PARD3B: variants seen among roughly 807,000 people sequenced by gnomAD.
PARD3B encodes partitioning defective 3 homolog B.
In PARD3B, 103 loss-of-function variants were observed where a neutral mutation model predicts 130.2. The observed-to-expected ratio is 0.79, with a 90% confidence interval of 0.67 to 0.93. The LOEUF is 0.93. PARD3B is among the 40% of genes least tolerant of loss of function. PARD3B has a pLI of 0.00. For missense variants in PARD3B, 1,609 were observed against 1,499.2 expected, an observed-to-expected ratio of 1.07 and a Z score of -1.21; for synonymous variants, 583 against 553.2, an observed-to-expected ratio of 1.05 and a Z score of -0.76.
rs770216160 is a variant in PARD3B at position 205,241,891 on chromosome 2, C to T, written c.2141-3887C>T. Among the ~76,000 whole-genome samples the T allele has an allele frequency of 5.9e-5, 9 of 151,976 alleles. No homozygotes were observed. The highest frequency in any genetic ancestry group is 9.7e-5 in the African/African-American group (4 of 41,396). On this transcript the variant is annotated intron_variant, in intron 15 of 22. Coordinates refer to ENST00000406610, the MANE Select transcript of PARD3B (RefSeq NM_001302769.2). The surrounding 1 kb of genome is among the most constrained non-coding windows in gnomAD (Gnocchi z 4.2). ...CCCCAAGAGATAATTTTAATAGTAG[C>T]TCTAAGTTAATGTGAGTTATAAAGG... is the stretch of plus-strand genomic sequence containing the variant.
chr2:204,909,475 A>G lies in PARD3B; in HGVS notation c.223-55677A>G, dbSNP rs189621145. On this transcript the variant is annotated intron_variant, in intron 2 of 22. Transcript: ENST00000406610. ...TGTGCATTAATTTTGGAAGATGGCC[A>G]TCATAAATATAGATAAATATAAAGT... is the stretch of plus-strand genomic sequence containing the variant. Among the ~76,000 whole-genome samples the G allele has an allele frequency of 3.3e-5, 5 of 152,322 alleles. No individual in the cohort carries two copies. In the East Asian group the frequency reaches 7.7e-4, roughly 23 times the overall value.
chr2:205,449,770 A>G lies in PARD3B; in HGVS notation c.3044+9098A>G, dbSNP rs958175572. ...TTTGTTTTCCAGCATGTATCCACTA[A>G]TTTTGCAGAAAACTTTTATTGAGCA... On this transcript the variant is annotated intron_variant, in intron 20 of 22. Coordinates refer to ENST00000406610, the MANE Select transcript of PARD3B (RefSeq NM_001302769.2). 1.5e-4 allele frequency among the ~76,000 whole-genome samples: 23 copies of G among 152,280 alleles called. 1 individual carries two copies. The highest frequency in any genetic ancestry group is 3.3e-4 in the Admixed American group (5 of 15,294).
chr2:204,997,915 A>G (rs1053263067), intron 3 of PARD3B, among the ~76,000 whole-genome samples: 1 of 148,248 alleles, frequency 6.7e-6, no homozygotes, highest in African/African-American at 2.5e-5. Flanking sequence ...GATATTTATT[A>G]TTTATATACT....
intron 13 of PARD3B, among the ~76,000 whole-genome samples, chr2:205,179,615 C>T (rs1384137989): frequency 6.6e-6 from 1 of 152,196 alleles, no homozygotes; most frequent in African/African-American, 2.4e-5. Context: ...TACCACAGAG[C>T]TTACCAGAGT....
chr2:204,590,088 A>G (rs1012905686), intron 1 of PARD3B, among the ~76,000 whole-genome samples: 1 of 152,140 alleles, frequency 6.6e-6, no homozygotes, highest in Non-Finnish European at 1.5e-5. Flanking sequence ...ATATGCCATT[A>G]TTATCACAAT....
chr2:204,555,239 G>T (rs1195119188), intron 1 of PARD3B, among the ~76,000 whole-genome samples: 2 of 152,058 alleles, frequency 1.3e-5, no homozygotes. Context: ...TGCTGATTTG[G>T]CTTTGTATCT....
chr2:205,224,381 A>AAAAAG (rs1559559151), intron 15 of PARD3B, among the ~76,000 whole-genome samples: 1 of 148,866 alleles, frequency 6.7e-6, no homozygotes, highest in African/African-American at 2.5e-5. Context: ...AAAAAAAAAA[A>AAAAAG]AAAAAAAGAA....
chr2:205,047,038 C>T (rs1017056258), intron 3 of PARD3B, among the ~76,000 whole-genome samples: 1 of 152,146 alleles, frequency 6.6e-6, no homozygotes, highest in African/African-American at 2.4e-5. Context: ...GTTCTATCTA[C>T]TTTAGGAGAA....
intron 2 of PARD3B, among the ~76,000 whole-genome samples, chr2:204,847,332 T>G (rs534238629): frequency 6.6e-6 from 1 of 152,160 alleles, no homozygotes; most frequent in Non-Finnish European, 1.5e-5. Flanking sequence ...TGTATACACA[T>G]GCAGAATTGA....
chr2:205,570,775 C>T (rs1185791841), intron 22 of PARD3B, among the ~76,000 whole-genome samples: 1 of 152,206 alleles, frequency 6.6e-6, no homozygotes, highest in Non-Finnish European at 1.5e-5. Flanking sequence ...TTTACACATT[C>T]TGCTATCTTC....
At chr2:204,912,935 A>G (rs182222388) in intron 2 of PARD3B, among the ~76,000 whole-genome samples, 353 of 152,324 alleles carry the variant, frequency 2.3e-3, no homozygotes, top group Non-Finnish European at 3.9e-3. Context: ...CATTAAAGTG[A>G]TGACTTTCAA....
intron 19 of PARD3B, among the ~76,000 whole-genome samples, chr2:205,422,178 A>G (rs73053987): frequency 0.093 from 14,217 of 152,248 alleles, 2,074 homozygotes; most frequent in African/African-American, 0.31. Flanking sequence ...AGCCAGTCAC[A>G]AGAAGTCGAT....
rs1691138075 is a variant in PARD3B, at chr2:204,965,308, T to A, written c.379T>A (p.Ser127Thr). The A allele has an allele frequency of 6.8e-6, 11 of 1,613,840 alleles. No individual in the cohort carries two copies. Among genetic ancestry groups the A allele is most frequent in the Non-Finnish European group, 8.5e-6 (10 of 1,179,834 alleles). ...PIGGEIEVTPSALKLGTPLLV... is the reference protein window; with the variant it reads ...PIGGEIEVTPTALKLGTPLLV... ...TGGTGGGGAGATTGAAGTAACCCCT[T>A]CTGCTCTAAAACTAGGTATGTGTAA... The change falls in exon 3 of 23, where the codon TCT becomes ACT. Residue 127 changes from serine to threonine, a missense_variant. Transcript: ENST00000406610.
chr2:204,707,318 T>C (rs2038215263), intron 2 of PARD3B, among the ~76,000 whole-genome samples: 1 of 152,200 alleles, frequency 6.6e-6, no homozygotes, highest in Non-Finnish European at 1.5e-5. Flanking sequence ...ATGGTGAGAT[T>C]AGCATATGCT....
chr2:204,745,158 A>T (rs1351255778), intron 2 of PARD3B, among the ~76,000 whole-genome samples: 1 of 152,090 alleles, frequency 6.6e-6, no homozygotes, highest in African/African-American at 2.4e-5. Flanking sequence ...AGAATCGATG[A>T]TGTTGGAGGA....
At chr2:204,555,188 C>T (rs994009444) in intron 1 of PARD3B, among the ~76,000 whole-genome samples, 2 of 152,142 alleles carry the variant, frequency 1.3e-5, no homozygotes, top group South Asian at 2.1e-4. Flanking sequence ...GAAGCTTGTG[C>T]CTGGTTTCCT....
intron 2 of PARD3B, among the ~76,000 whole-genome samples, chr2:204,780,327 C>G (rs1425025537): frequency 6.6e-6 from 1 of 152,028 alleles, no homozygotes; most frequent in Non-Finnish European, 1.5e-5. Flanking sequence ...CTTAACAGTA[C>G]TAGTTATTAT....
intron 18 of PARD3B, among the ~76,000 whole-genome samples, chr2:205,350,387 G>A (rs918878036): frequency 2.0e-5 from 3 of 152,122 alleles, no homozygotes; most frequent in African/African-American, 7.2e-5. Context: ...TCATTCAAAG[G>A]CAACTTTCTC....
chr2:204,583,017 A>C (rs890589633), intron 1 of PARD3B, among the ~76,000 whole-genome samples: 1 of 151,448 alleles, frequency 6.6e-6, no homozygotes, highest in African/African-American at 2.4e-5. Context: ...ACACTTTTAC[A>C]CTGTTGGTGG....
Sources: allele counts gnomAD v4.1 joint callset (sites outside exome capture counted in the v4.1 genomes callset), GRCh38; gene constraint gnomAD v4.1.1; non-coding constraint Gnocchi (gnomAD v3.1); transcripts MANE v1.5; gene names NCBI Gene and HGNC (gene_info 2026-07-23, HGNC 2026-07-21).